RRM1: variants seen among roughly 807,000 people sequenced by gnomAD.
RRM1 encodes ribonucleotide reductase catalytic subunit M1.
Under a neutral mutation model 101.5 loss-of-function variants are expected in RRM1, and 19 were observed. The ratio of observed to expected loss-of-function variants is 0.19; its 90% CI spans 0.13 to 0.27. The LOEUF is 0.27. Ranked by LOEUF, RRM1 falls within the 10% of genes least tolerant of loss-of-function variation. The pLI is 1.00. For missense variants in RRM1, 500 were observed against 962.9 expected, an observed-to-expected ratio of 0.52 and a Z score of 6.36; for synonymous variants, 298 against 323.4, an observed-to-expected ratio of 0.92 and a Z score of 0.84.
intron 12 of RRM1, among the ~76,000 whole-genome samples, chr11:4,123,856 G>A (rs1220670598): frequency 1.3e-5 from 2 of 152,212 alleles, no homozygotes; most frequent in East Asian, 1.9e-4. Context: ...AAGTATGTAA[G>A]CTTATAAAGA....
chr11:4,125,491 C>T (rs929944773), intron 12 of RRM1, among the ~76,000 whole-genome samples: 4 of 152,206 alleles, frequency 2.6e-5, no homozygotes, highest in Non-Finnish European at 4.4e-5. Context: ...AGGTCCTACA[C>T]AACTGGATAA....
intron 2 of RRM1, among the ~76,000 whole-genome samples, chr11:4,105,138 T>C (rs976039960): frequency 2.0e-5 from 3 of 152,210 alleles, no homozygotes; most frequent in Non-Finnish European, 4.4e-5. Flanking sequence ...GTAGTATACA[T>C]TTTCTGATAG....
Position 4,120,738 on chromosome 11 carries a change from G to T in RRM1, c.876+810G>T, listed in dbSNP as rs547952819. Among the ~76,000 whole-genome samples the T allele has an allele frequency of 4.6e-5, 7 of 152,228 alleles. No homozygotes were observed. In the South Asian group the frequency reaches 1.5e-3, roughly 32 times the overall value. ...TCTCCCTAATTGGCTGGATGCAGTG[G>T]CTCCTGCCAGTAATCCCAGCACTTT... On this transcript the variant is annotated intron_variant, in intron 9 of 18. Coordinates refer to ENST00000300738, the MANE Select transcript of RRM1 (RefSeq NM_001033.5).
intron 9 of RRM1, among the ~76,000 whole-genome samples, chr11:4,120,505 T>C (rs1453055805): frequency 6.6e-6 from 1 of 152,036 alleles, no homozygotes; most frequent in East Asian, 1.9e-4. Flanking sequence ...GCTCAGACTA[T>C]AGGCCTGTGC....
chr11:4,115,162 AT>A (rs1347804698), intron 7 of RRM1, among the ~76,000 whole-genome samples: 1 of 152,194 alleles, frequency 6.6e-6, no homozygotes, highest in Non-Finnish European at 1.5e-5. Context: ...CAACATACTG[AT>A]TCTAAAATTC....
chr11:4,122,873 A>G (rs79810430), intron 11 of RRM1, among the ~76,000 whole-genome samples: 61 of 116,354 alleles, frequency 5.2e-4, no homozygotes, highest in African/African-American at 2.5e-3. Context: ...ACTCCGTCTC[A>G]AAAAAAAAAA....
At chr11:4,128,132 G>A (rs1489013598) in intron 14 of RRM1, among the ~76,000 whole-genome samples, 2 of 151,052 alleles carry the variant, frequency 1.3e-5, no homozygotes, top group East Asian at 1.9e-4. Flanking sequence ...GTCCACATAG[G>A]ATAATGTCCT....
At chr11:4,096,364 T>TA (rs2094543542) in intron 1 of RRM1, among the ~76,000 whole-genome samples, 1 of 152,224 alleles carries the variant, frequency 6.6e-6, no homozygotes, top group Admixed American at 6.5e-5. Flanking sequence ...AACAGATTCT[T>TA]AAAGAATGAA....
At position 4,126,844 on chromosome 11, in the gene RRM1, A is replaced by G. The variant is rs1565188141; in HGVS notation, c.1470+11A>G. 1 of 1,592,096 alleles carries G rather than the reference A, an allele frequency of 6.3e-7. No individual in the cohort carries two copies. Among genetic ancestry groups the G allele is most frequent in the East Asian group, 2.2e-5 (1 of 44,738 alleles). ...TATCCTGTACCAGAGGTATGAATAG[A>G]TTTCTCTGCTTATTGGTAATTATTG... On this transcript the variant is annotated intron_variant, in intron 13 of 18. Coordinates refer to ENST00000300738, the MANE Select transcript of RRM1 (RefSeq NM_001033.5).
intron 9 of RRM1, among the ~76,000 whole-genome samples, chr11:4,120,565 T>C (rs72844514): frequency 0.033 from 4,967 of 152,148 alleles, 117 homozygotes; most frequent in Non-Finnish European, 0.049. Context: ...GGGGTCTCAC[T>C]TTCTTGCCTA....
At chr11:4,128,161 C>A (rs1590730353) in intron 14 of RRM1, among the ~76,000 whole-genome samples, 1 of 133,048 alleles carries the variant, frequency 7.5e-6, no homozygotes, top group African/African-American at 2.8e-5. Flanking sequence ...CCCTGTCCCG[C>A]TTTTTTTTTT....
rs372857715 is a variant in RRM1, at chr11:4,111,655, T to C, written c.487+15T>C. On this transcript the variant is annotated intron_variant, in intron 6 of 18. Transcript: ENST00000300738. ...CAATGGAAAAGGTGAGAAATGAACATGTTTGTCTGTTACATTTTCTACTCA... is the reference window on the plus strand; with the variant it reads ...CAATGGAAAAGGTGAGAAATGAACACGTTTGTCTGTTACATTTTCTACTCA... 2.5e-6 allele frequency: 4 copies of C among 1,586,932 alleles called. No homozygotes were observed. The highest frequency in any genetic ancestry group is 3.5e-6 in the Non-Finnish European group (4 of 1,158,924).
chr11:4,121,239 A>G (rs1017041675), intron 9 of RRM1, among the ~76,000 whole-genome samples: 5 of 152,280 alleles, frequency 3.3e-5, no homozygotes, highest in Admixed American at 3.3e-4. Context: ...TTGACCTACA[A>G]TAAGAGCATG....
intron 8 of RRM1, 61 bp downstream of exon 8, chr11:4,118,522 G>T (rs2094577190): frequency 1.3e-6 from 2 of 1,582,216 alleles, no homozygotes; most frequent in South Asian, 2.3e-5. Flanking sequence ...ACAGATTCAT[G>T]GTTGAGAGGG....
chr11:4,137,458 AC>A (rs2094613641), intron 18 of RRM1, among the ~76,000 whole-genome samples: 11 of 111,766 alleles, frequency 9.8e-5, no homozygotes, highest in Admixed American at 9.7e-4. Context: ...TCACACCCCC[AC>A]CTCCCTCCCG....
chr11:4,109,613 T>G (rs2094562776), intron 4 of RRM1, 31 bp from the exon 5 acceptor site: 1 of 1,561,138 alleles, frequency 6.4e-7, no homozygotes, highest in African/African-American at 1.4e-5. Flanking sequence ...TTATTTTAAT[T>G]TAATTATGGG....
intron 12 of RRM1, 22 bp from the exon 13 acceptor site, chr11:4,126,662 T>C (rs778332928): frequency 6.3e-7 from 1 of 1,595,952 alleles, no homozygotes; most frequent in Admixed American, 1.8e-5. Flanking sequence ...GTGTGATTCT[T>C]GACCTGTTTT....
intron 3 of RRM1, 86 bp downstream of exon 3, chr11:4,106,309 G>A: frequency 8.5e-7 from 1 of 1,182,330 alleles, no homozygotes; most frequent in Admixed American, 2.0e-5. Flanking sequence ...GTTTAAAGAA[G>A]CAAATATGGC....
chr11:4,124,705 G>A (rs1234482077), intron 12 of RRM1, among the ~76,000 whole-genome samples: 3 of 151,646 alleles, frequency 2.0e-5, no homozygotes, highest in Non-Finnish European at 4.4e-5. Context: ...CTTTTTTTTC[G>A]GGGGGCGTCA....
Sources: allele counts gnomAD v4.1 joint callset (sites outside exome capture counted in the v4.1 genomes callset), GRCh38; gene constraint gnomAD v4.1.1; transcripts MANE v1.5; gene names NCBI Gene and HGNC (gene_info 2026-07-23, HGNC 2026-07-21).